PRR5: variants seen among roughly 807,000 people sequenced by gnomAD.
PRR5 encodes the protein proline rich 5.
PRR5 carries 25 observed loss-of-function variants against 30.6 expected under a neutral mutation model. The observed-to-expected ratio is 0.82, with a 90% CI of 0.60 to 1.14. PRR5 has a LOEUF of 1.14. PRR5 is among the 50% of genes most tolerant of loss of function. PRR5 has a pLI of 0.00. For synonymous variants in PRR5, 286 were observed against 247.1 expected (o/e 1.16, Z -1.48); for missense variants, 600 against 547.1 (o/e 1.10, Z -0.96).
At chr22:44,729,694 A>C in intron 4 of PRR5, 1 of 985,490 alleles carries the variant, frequency 1.0e-6, no homozygotes. Context: ...CCCGGCAGAG[A>C]GCCCCAACAG....
At chr22:44,723,250 A>G (rs1345364160) in intron 2 of PRR5, among the ~76,000 whole-genome samples, 1 of 151,994 alleles carries the variant, frequency 6.6e-6, no homozygotes, top group Non-Finnish European at 1.5e-5. Context: ...TCCCAAAGTG[A>G]TGGGATTACA....
intron 1 of PRR5, among the ~76,000 whole-genome samples, chr22:44,692,238 C>T (rs1408153569): frequency 7.0e-5 from 10 of 142,486 alleles, no homozygotes; most frequent in Admixed American, 6.2e-4. Flanking sequence ...ACCTGGCGCT[C>T]CTCCACCCAG....
Position 44,736,969 on chromosome 22 carries a change from G to C in PRR5, c.889G>C (p.Asp297His). 1 of 1,601,714 alleles carries C rather than the reference G, an allele frequency of 6.2e-7. No individual in the cohort carries two copies. Among genetic ancestry groups the C allele is most frequent in the Non-Finnish European group, 8.5e-7 (1 of 1,175,024 alleles). Residue 297 changes from aspartate to histidine, a missense_variant, in exon 8 of 8, where the codon GAC (aspartate) becomes CAC (histidine). By Grantham distance (81) the Asp-to-His change is moderately conservative. Transcript: ENST00000336985. ...CTGCCCCGAGCCTCAGGGCTTCTCC[G>C]ACCCGCCCGGCCAGGGCCCCACCGG... The part of the protein sequence containing the change: ...TSCPEPQGFS[D>H]PPGQGPTGTF...
chr22:44,707,107 T>G (rs1322567959), intron 1 of PRR5, among the ~76,000 whole-genome samples: 4 of 152,138 alleles, frequency 2.6e-5, no homozygotes, highest in Non-Finnish European at 5.9e-5. Context: ...CCTTCCTTCC[T>G]TCCTCCCTCC....
Position 44,731,712 on chromosome 22 carries a change from T to C in PRR5, c.323-18T>C. ...CCGCGCCAGTCAGGCCCAGTGGTGA[T>C]GGCCCCCATGCCCACAGGACAGAAG... On this transcript the variant is annotated intron_variant, in intron 4 of 7. Transcript: ENST00000336985. 1 of 1,613,248 alleles carries C rather than the reference T, an allele frequency of 6.2e-7. No homozygotes were observed. Among genetic ancestry groups the C allele is most frequent in the Non-Finnish European group, 8.5e-7 (1 of 1,179,662 alleles).
intron 4 of PRR5, 177 bp from the exon 5 acceptor site, chr22:44,731,552 TG>T: frequency 1.6e-6 from 1 of 620,626 alleles, no homozygotes; most frequent in South Asian, 1.9e-5. Flanking sequence ...GGTTAAGCAG[TG>T]GGCCCAGGGC....
At chr22:44,685,956 A>G (rs1357356273) in intron 1 of PRR5, among the ~76,000 whole-genome samples, 1 of 152,234 alleles carries the variant, frequency 6.6e-6, no homozygotes, top group Non-Finnish European at 1.5e-5. Context: ...GCCACACATC[A>G]GAAGTTCCCC....
chr22:44,732,969 ATACACAC>A (rs1922469570), intron 6 of PRR5, among the ~76,000 whole-genome samples: 1 of 150,930 alleles, frequency 6.6e-6, no homozygotes, highest in East Asian at 1.9e-4. Context: ...GTGCACACGC[ATACACAC>A]TACACACATA....
At chr22:44,725,060 C>T (rs1351302738) in intron 2 of PRR5, among the ~76,000 whole-genome samples, 184 bp from the exon 3 acceptor site, 3 of 152,270 alleles carry the variant, frequency 2.0e-5, no homozygotes, top group African/African-American at 2.4e-5. Flanking sequence ...ATGGAGGCCC[C>T]GGTTGTGTGG....
chr22:44,729,178 C>A, intron 4 of PRR5: 2 of 521,944 alleles, frequency 3.8e-6, no homozygotes, highest in Non-Finnish European at 4.9e-6. Flanking sequence ...CGCTTGCCTC[C>A]ATGCCTGTGC....
intron 1 of PRR5, among the ~76,000 whole-genome samples, chr22:44,695,045 C>T (rs1925624367): frequency 1.3e-5 from 2 of 152,064 alleles, no homozygotes; most frequent in Non-Finnish European, 1.5e-5. Flanking sequence ...GTGGCAGGCA[C>T]CTGTAATCCC....
In PRR5 at chr22:44,693,616, C is replaced by CTTTT. The variant is rs1228023916; in HGVS notation, c.-10-8856_-10-8853dup. ...TCTGTGACTTCACATTTCACATGGA[C>CTTTT]TTTTTTTTTTTTTTTTTTTTTTTCT... On this transcript the variant is annotated intron_variant, in intron 1 of 8. Transcript: ENST00000006251. Among the ~76,000 whole-genome samples the CTTTT allele has an allele frequency of 6.1e-4, 55 of 90,570 alleles. 1 individual carries two copies. The highest frequency in any genetic ancestry group is 8.2e-4 in the Non-Finnish European group (39 of 47,654). The allele number at this position is 90,570 out of a possible 152,430, so 59.4% of individuals were successfully genotyped here. A position where few individuals can be genotyped will look rare whatever the true frequency, so the allele number is the denominator to read the frequency against.
chr22:44,679,687 CAA>C, intron 1 of PRR5: 3 of 1,018,836 alleles, frequency 2.9e-6, no homozygotes, highest in Non-Finnish European at 4.3e-6. Context: ...GCCTGGGCAA[CAA>C]GAGCGAAACT....
intron 7 of PRR5, among the ~76,000 whole-genome samples, chr22:44,736,486 A>G (rs1298800382): frequency 6.6e-6 from 1 of 152,186 alleles, no homozygotes; most frequent in East Asian, 1.9e-4. Flanking sequence ...GGGGTGAGGT[A>G]ACTTACCTAA....
intron 1 of PRR5, among the ~76,000 whole-genome samples, chr22:44,706,118 A>G (rs1044754236): frequency 6.6e-6 from 1 of 152,100 alleles, no homozygotes; most frequent in South Asian, 2.1e-4. Flanking sequence ...TTTCTCTTGT[A>G]AAAACACTAG....
chr22:44,714,857 C>T (rs373632991), intron 2 of PRR5, among the ~76,000 whole-genome samples, 186 bp downstream of exon 2: 10 of 152,320 alleles, frequency 6.6e-5, no homozygotes, highest in African/African-American at 2.4e-4. Flanking sequence ...CGTGGTTTCC[C>T]GAGCTGCCAT....
At chr22:44,724,563 T>C (rs1930400727) in intron 2 of PRR5, among the ~76,000 whole-genome samples, 1 of 152,194 alleles carries the variant, frequency 6.6e-6, no homozygotes, top group Admixed American at 6.6e-5. Flanking sequence ...CCTGTGTACT[T>C]TCAGCCTGGC....
intron 3 of PRR5, 151 bp downstream of exon 3, chr22:44,725,443 G>A (rs1392284719): frequency 1.0e-5 from 10 of 963,568 alleles, no homozygotes; most frequent in African/African-American, 3.3e-5. Flanking sequence ...ATCTAGCCAC[G>A]TGGAATGTTG....
chr22:44,734,068 T>C (rs1922736462), intron 6 of PRR5: 1 of 152,248 alleles, frequency 6.6e-6, no homozygotes, highest in Admixed American at 6.5e-5. Flanking sequence ...GGTCAGGAGA[T>C]TGAGACCATC....
Sources: gnomAD v4.1 joint callset for allele counts (sites outside exome capture counted in the v4.1 genomes callset) on GRCh38, gnomAD v4.1.1 for gene constraint, MANE v1.5 for transcripts, NCBI Gene and HGNC (gene_info 2026-07-23, HGNC 2026-07-21) for gene names.